DCLK2: variants seen among roughly 807,000 people sequenced by gnomAD.
DCLK2 encodes the protein serine/threonine-protein kinase DCLK2.
DCLK2 carries 31 observed loss-of-function variants against 78.4 expected under a neutral mutation model. That is an observed-to-expected ratio of 0.40 (90% confidence interval 0.30 to 0.53). The LOEUF is 0.53. DCLK2 is among the 20% of genes least tolerant of loss of function. DCLK2 has a pLI of 0.61. For synonymous variants in DCLK2, 407 were observed against 374.9 expected, an observed-to-expected ratio of 1.09 and a Z score of -0.99; for missense variants, 872 against 973.7, an observed-to-expected ratio of 0.90 and a Z score of 1.39.
chr4:150,175,737 A>G (rs896262428), intron 2 of DCLK2: 1 of 152,198 alleles, frequency 6.6e-6, no homozygotes, highest in Non-Finnish European at 1.5e-5. Flanking sequence ...CTGTGAGCTT[A>G]AATAATGTGT....
intron 2 of DCLK2, among the ~76,000 whole-genome samples, chr4:150,153,695 G>A (rs1291905430): frequency 6.6e-6 from 1 of 152,002 alleles, no homozygotes; most frequent in Non-Finnish European, 1.5e-5. Context: ...GATTATAGAT[G>A]TGAGCCACTA....
At chr4:150,243,092 C>T (rs895043855) in intron 12 of DCLK2, among the ~76,000 whole-genome samples, 4 of 152,118 alleles carry the variant, frequency 2.6e-5, no homozygotes, top group African/African-American at 7.2e-5. Flanking sequence ...CTGGTGCAGC[C>T]TGAGAGTTTT....
At chr4:150,165,757 T>G (rs1188089400) in intron 2 of DCLK2, among the ~76,000 whole-genome samples, 1 of 152,236 alleles carries the variant, frequency 6.6e-6, no homozygotes, top group Non-Finnish European at 1.5e-5. Context: ...TGCTGTGGTT[T>G]GAATGTGTCC....
At chr4:150,243,326 G>A (rs931163046) in intron 12 of DCLK2, among the ~76,000 whole-genome samples, 4 of 152,016 alleles carry the variant, frequency 2.6e-5, no homozygotes, top group Non-Finnish European at 4.4e-5. Flanking sequence ...TTAAGACAGC[G>A]CTTTCCCTCT....
At chr4:150,146,933 A>C (rs1330051470) in intron 2 of DCLK2, among the ~76,000 whole-genome samples, 1 of 151,766 alleles carries the variant, frequency 6.6e-6, no homozygotes, top group African/African-American at 2.4e-5. Flanking sequence ...TGTCTGTAAG[A>C]TGGAGATAAT....
chr4:150,083,889 A>G (rs1208864970), intron 1 of DCLK2, among the ~76,000 whole-genome samples: 3 of 152,240 alleles, frequency 2.0e-5, no homozygotes, highest in African/African-American at 7.2e-5. Flanking sequence ...AGTTGAGGGC[A>G]TACTATGTCC....
Position 150,119,604 on chromosome 4 carries a change from T to C in DCLK2, c.756+16792T>C, listed in dbSNP as rs1732369415. On this transcript the variant is annotated intron_variant, in intron 2 of 15. Coordinates refer to ENST00000296550, the MANE Select transcript of DCLK2 (RefSeq NM_001040260.4). ...AATTCCTATTGTGTAAATTGAGGCC[T>C]GCATTCCTCTTACCACCTCCACCTC... Among the ~76,000 whole-genome samples the C allele has an allele frequency of 2.0e-5, 3 of 152,330 alleles. 1 individual carries two copies. The South Asian group carries it at 6.2e-4, about 32-fold the overall frequency.
At chr4:150,141,289 G>T (rs1734085624) in intron 2 of DCLK2, among the ~76,000 whole-genome samples, 1 of 152,094 alleles carries the variant, frequency 6.6e-6, no homozygotes, top group South Asian at 2.1e-4. Flanking sequence ...GTAAGTTAGG[G>T]TGAAATATTT....
chr4:150,118,256 C>A (rs750998198), intron 2 of DCLK2, among the ~76,000 whole-genome samples: 31 of 150,320 alleles, frequency 2.1e-4, no homozygotes, highest in South Asian at 4.2e-4. Context: ...CAGGTGATTT[C>A]AAAAAAAAAT....
Position 150,247,663 on chromosome 4 carries a change from G to A in DCLK2, c.1839G>A (p.Pro613=), listed in dbSNP as rs551849647. ...DQILAGKLEF[P]APYWDNITDS... Reference sequence around the variant, plus strand: ...TCTTGGCTGGGAAGCTGGAGTTTCCGGCCCCCTACTGGGATAACATCACGG... The same window carrying A: ...TCTTGGCTGGGAAGCTGGAGTTTCCAGCCCCCTACTGGGATAACATCACGG... The change falls in exon 13 of 16, where the codon CCG becomes CCA. Residue 613 remains proline (P), a synonymous_variant. Coordinates refer to ENST00000296550, the MANE Select transcript of DCLK2 (RefSeq NM_001040260.4). 113 of 1,614,022 alleles carry A rather than the reference G, an allele frequency of 7.0e-5. 2 individuals carry two copies. The South Asian group carries it at 8.6e-4, about 12-fold the overall frequency.
intron 8 of DCLK2, among the ~76,000 whole-genome samples, chr4:150,226,500 C>T (rs1430781637): frequency 6.7e-6 from 1 of 149,396 alleles, no homozygotes; most frequent in Non-Finnish European, 1.5e-5. Flanking sequence ...TGTAGAACTA[C>T]ATTAAAAATT....
At position 150,193,186 on chromosome 4, in the gene DCLK2, T is replaced by C. The variant is rs772947046; in HGVS notation, c.805T>C (p.Cys269Arg). ...FFGDDDVFIA[C>R]GPEKFRYAQD... Reference sequence around the variant, plus strand: ...TGGTGATGACGATGTTTTTATTGCATGTGGACCAGAAAAATTTCGTTATGC... The same window carrying C: ...TGGTGATGACGATGTTTTTATTGCACGTGGACCAGAAAAATTTCGTTATGC... The change falls in exon 3 of 16, where the codon TGT (cysteine) becomes CGT (arginine). Residue 269 changes from cysteine (C) to arginine (R), a missense_variant. Physicochemically the swap from Cys to Arg is radical, Grantham distance 180. Transcript: ENST00000296550. 1.9e-5 allele frequency: 31 copies of C among 1,611,922 alleles called. No individual in the cohort carries two copies. The Admixed American group carries it at 4.7e-4, about 24-fold the overall frequency.
rs1741450216 is a variant in DCLK2 at position 150,224,567 on chromosome 4, T to C, written c.1299+9T>C. The C allele has an allele frequency of 5.6e-6, 9 of 1,603,756 alleles. No individual in the cohort carries two copies. The South Asian group carries it at 6.8e-5, about 12-fold the overall frequency. On this transcript the variant is annotated intron_variant, in intron 8 of 15. Coordinates refer to ENST00000296550, the MANE Select transcript of DCLK2 (RefSeq NM_001040260.4). The stretch of plus-strand genomic sequence containing the variant: ...CCAAATGTTGTGGAAAGGTATAGTA[T>C]GCATAACCCCTAGTTCTGAAAGAAA...
intron 1 of DCLK2, among the ~76,000 whole-genome samples, chr4:150,090,423 AAAAAC>A (rs140436858): frequency 0.36 from 54,228 of 150,716 alleles, 10,014 homozygotes; most frequent in Non-Finnish European, 0.41. Context: ...AAATAATGAT[AAAAAC>A]AAAACAAAAC....
chr4:150,190,031 T>C (rs112953873), intron 2 of DCLK2, among the ~76,000 whole-genome samples: 1,885 of 9,366 alleles, frequency 0.2, 102 homozygotes, highest in African/African-American at 0.31. Context: ...GGAGACCCTG[T>C]CTCAAAAAAA....
chr4:150,132,660 T>C (rs1236406001), intron 2 of DCLK2, among the ~76,000 whole-genome samples: 1 of 152,202 alleles, frequency 6.6e-6, no homozygotes, highest in Non-Finnish European at 1.5e-5. Context: ...TCATGGGTCA[T>C]GGCAGCCTTC....
At chr4:150,098,652 G>A (rs1004921352) in intron 1 of DCLK2, among the ~76,000 whole-genome samples, 1 of 144,538 alleles carries the variant, frequency 6.9e-6, no homozygotes, top group Admixed American at 7.1e-5. Context: ...ACATACGTTG[G>A]CAAGAGTTTA....
chr4:150,241,992 A>G (rs934011917), intron 12 of DCLK2, among the ~76,000 whole-genome samples: 1 of 152,344 alleles, frequency 6.6e-6, no homozygotes, highest in African/African-American at 2.4e-5. Context: ...ATAGTGTTGT[A>G]CTGGGTCACT....
chr4:150,094,901 T>C (rs947696011), intron 1 of DCLK2, among the ~76,000 whole-genome samples: 4 of 152,180 alleles, frequency 2.6e-5, no homozygotes, highest in Non-Finnish European at 5.9e-5. Context: ...CTTACCCACA[T>C]GTTCAGTTCA....
Sources: allele counts gnomAD v4.1 joint callset (sites outside exome capture counted in the v4.1 genomes callset), GRCh38; gene constraint gnomAD v4.1.1; transcripts MANE v1.5; gene names NCBI Gene and HGNC (gene_info 2026-07-23, HGNC 2026-07-21).